The following OLAH variants were observed in gnomAD, a reference collection of about 807,000 sequenced individuals.
The protein encoded by OLAH is S-acyl fatty acid synthase thioesterase, medium chain.
OLAH carries 33 observed loss-of-function variants against 27.8 expected under a neutral mutation model. The observed-to-expected ratio is 1.19, with a 90% CI of 0.90 to 1.59. The LOEUF (loss-of-function observed/expected upper bound fraction) is 1.59, where lower values mean the gene tolerates loss of function less well. Among genes scored for constraint, OLAH ranks in the 40% most tolerant of loss-of-function variants. OLAH has a pLI of 0.00. For missense variants in OLAH, 359 were observed against 310.8 expected (o/e 1.16, Z -1.17); for synonymous variants, 120 against 102.9 (o/e 1.17, Z -1.01).
At chr10:15,033,551 G>A (rs747724103) in intron 1 of OLAH, among the ~76,000 whole-genome samples, 2 of 152,120 alleles carry the variant, frequency 1.3e-5, no homozygotes, top group Non-Finnish European at 2.9e-5. Flanking sequence ...AAGAGGTGAT[G>A]TCTTAGTCTA....
intron 4 of OLAH, among the ~76,000 whole-genome samples, chr10:15,062,524 C>T (rs1282969466): frequency 6.6e-6 from 1 of 151,518 alleles, no homozygotes; most frequent in African/African-American, 2.4e-5. Context: ...ATCTTTTTCA[C>T]TTAAAAGCAA....
In OLAH at chr10:15,065,714, CCAT is replaced by C; in HGVS notation, c.537_539del (p.Ile180del). 3 of 1,613,698 alleles carry C rather than the reference CCAT, an allele frequency of 1.9e-6. No homozygotes were observed. The highest frequency in any genetic ancestry group is 1.7e-6 in the Non-Finnish European group (2 of 1,179,912). ...AAGGAATTTGTGAAACAATGTAGTC[CCAT>C]CATAAGGGCAGATCTGAACATTGTT... On this transcript the variant is annotated inframe_deletion, in exon 6 of 8. Coordinates refer to ENST00000378228, the MANE Select transcript of OLAH (RefSeq NM_001039702.3).
intron 1 of OLAH, among the ~76,000 whole-genome samples, chr10:15,045,654 A>G (rs1335277590): frequency 6.6e-6 from 1 of 152,198 alleles, no homozygotes; most frequent in Non-Finnish European, 1.5e-5. Flanking sequence ...GCATGACAAA[A>G]GCTTTAAGCT....
chr10:15,056,786 A>G (rs1844253652), intron 3 of OLAH: 4 of 1,424,806 alleles, frequency 2.8e-6, no homozygotes, highest in Non-Finnish European at 9.2e-7. Flanking sequence ...ATACACCACT[A>G]TGCTCGGCTA....
At chr10:15,043,110 T>G (rs542193505), upstream of OLAH, among the ~76,000 whole-genome samples, 25 of 152,216 alleles carry the variant, frequency 1.6e-4, no homozygotes, top group East Asian at 4.8e-3. Context: ...TCCACCCGCC[T>G]TGGCCTCCCA....
At chr10:15,051,119 A>G (rs545257355) in intron 3 of OLAH, among the ~76,000 whole-genome samples, 26 of 143,258 alleles carry the variant, frequency 1.8e-4, no homozygotes, top group Non-Finnish European at 3.7e-4. Context: ...TCTGTCTCCC[A>G]GGCTGGAGTG....
chr10:15,054,819 T>C (rs1844215792), intron 3 of OLAH, among the ~76,000 whole-genome samples: 1 of 152,230 alleles, frequency 6.6e-6, no homozygotes, highest in Non-Finnish European at 1.5e-5. Flanking sequence ...TTCTGTCAGC[T>C]CTTTGTGCAA....
At chr10:15,068,725 C>T (rs1056129729) in intron 6 of OLAH, among the ~76,000 whole-genome samples, 1 of 152,132 alleles carries the variant, frequency 6.6e-6, no homozygotes, top group Non-Finnish European at 1.5e-5. Context: ...AGCCAGTTAT[C>T]ATGCATAAAA....
chr10:15,058,549 T>G (rs560046006), intron 3 of OLAH, among the ~76,000 whole-genome samples: 2 of 152,332 alleles, frequency 1.3e-5, no homozygotes, highest in Admixed American at 1.3e-4. Flanking sequence ...CAATTTTGTG[T>G]AGAGCAGTCA....
At position 15,054,925 on chromosome 10, in the gene OLAH, T is replaced by C. The variant is rs181476985; in HGVS notation, c.163+5160T>C. ...TGGTTTAATTTCATCCAAGTTGGAG[T>C]GTTGTGCTGTTTTTTTCTGCTTTGT... On this transcript the variant is annotated intron_variant, in intron 3 of 7. Transcript: ENST00000378228. Among the ~76,000 whole-genome samples the C allele has an allele frequency of 1.2e-4, 18 of 152,196 alleles. No homozygotes were observed. In the East Asian group the frequency reaches 3.5e-3, roughly 29 times the overall value.
chr10:15,066,283 A>G (rs982266619), intron 6 of OLAH, among the ~76,000 whole-genome samples: 1 of 152,240 alleles, frequency 6.6e-6, no homozygotes, highest in Admixed American at 6.5e-5. Flanking sequence ...TTCTTTAAAA[A>G]ATATATGATT....
chr10:15,044,339 A>G (rs981720620), intron 1 of OLAH, among the ~76,000 whole-genome samples: 11 of 152,150 alleles, frequency 7.2e-5, no homozygotes, highest in Admixed American at 6.6e-4. Flanking sequence ...GCATATTTAT[A>G]CAGTCTAAAT....
chr10:15,041,720 C>T (rs975992703), upstream of OLAH, among the ~76,000 whole-genome samples: 2 of 151,410 alleles, frequency 1.3e-5, no homozygotes, highest in Non-Finnish European at 2.9e-5. Context: ...GGATTACAGG[C>T]GTGCACCATG....
Position 15,065,573 on chromosome 10 carries a change from C to G in OLAH, c.403-11C>G. 6.2e-7 allele frequency: 1 copy of G among 1,603,204 alleles called. No individual in the cohort carries two copies. Among genetic ancestry groups the G allele is most frequent in the Non-Finnish European group, 8.5e-7 (1 of 1,175,914 alleles). On this transcript the variant is annotated splice_polypyrimidine_tract_variant and intron_variant, in intron 5 of 7. Coordinates refer to ENST00000378228, the MANE Select transcript of OLAH (RefSeq NM_001039702.3). The stretch of plus-strand genomic sequence containing the variant: ...GAAATATCAGGCCTGTGTTGTTGTT[C>G]ATGTTTCAAGTCAAAGGCCTGGCAT...
At chr10:15,049,518 A>G in intron 2 of OLAH, 117 bp from the exon 3 acceptor site, 1 of 703,996 alleles carries the variant, frequency 1.4e-6, no homozygotes. Context: ...CAATCACTTT[A>G]TATATGAACA....
At chr10:15,061,638 C>T (rs1844365223) in intron 3 of OLAH, 86 bp from the exon 4 acceptor site, 2 of 1,281,844 alleles carry the variant, frequency 1.6e-6, no homozygotes, top group South Asian at 4.4e-5. Context: ...GAAATTTTTT[C>T]CATCAGGTAA....
intron 5 of OLAH, among the ~76,000 whole-genome samples, chr10:15,064,804 A>C (rs1439894510): frequency 1.3e-5 from 2 of 152,056 alleles, no homozygotes; most frequent in Non-Finnish European, 1.5e-5. Flanking sequence ...ACTACAGGCG[A>C]GCACCACCAC....
chr10:15,060,767 G>T (rs1844346797), intron 3 of OLAH, among the ~76,000 whole-genome samples: 1 of 152,000 alleles, frequency 6.6e-6, no homozygotes, highest in Non-Finnish European at 1.5e-5. Context: ...GCTCTCCCTG[G>T]AGTTGTTATG....
rs550502344 is a variant in OLAH, at chr10:15,073,655, G to A, written c.*426G>A. The A allele has an allele frequency of 6.3e-5, 5 of 79,300 alleles. No homozygotes were observed. Among genetic ancestry groups the A allele is most frequent in the African/African-American group, 1.7e-4 (3 of 18,156 alleles). 4.9% of individuals were successfully genotyped at this position (79,300 alleles called of 1,614,324 possible). On this transcript the variant is annotated 3_prime_UTR_variant, in exon 8 of 8. Transcript: ENST00000378228. ...AGCCTGGGTGACAGATCCAGACTCT[G>A]TCTCAAAAAAAAAAAAAAAAAAAAT... is the stretch of plus-strand genomic sequence containing the variant.
Sources: allele counts gnomAD v4.1 joint callset (sites outside exome capture counted in the v4.1 genomes callset), GRCh38; gene constraint gnomAD v4.1.1; transcripts MANE v1.5; gene names NCBI Gene and HGNC (gene_info 2026-07-23, HGNC 2026-07-21).